The following TRIOBP variants were observed in gnomAD, a reference collection of about 807,000 sequenced individuals.
The protein encoded by TRIOBP is TRIO and F-actin-binding protein.
Under a neutral mutation model 238.8 loss-of-function variants are expected in TRIOBP, and 169 were observed. The observed-to-expected ratio is 0.71, with a 90% CI of 0.62 to 0.80. The LOEUF (loss-of-function observed/expected upper bound fraction) is 0.80. Ranked by LOEUF, TRIOBP falls within the 30% of genes least tolerant of loss-of-function variation. The pLI is 0.00. For synonymous variants in TRIOBP, 1,150 were observed against 1,274.4 expected, an observed-to-expected ratio of 0.90 and a Z score of 2.08; for missense variants, 2,838 against 3,122.6, an observed-to-expected ratio of 0.91 and a Z score of 2.17.
At chr22:37,706,816 C>CAG (rs1313046364) in intron 3 of TRIOBP, among the ~76,000 whole-genome samples, 1 of 151,822 alleles carries the variant, frequency 6.6e-6, no homozygotes, top group Non-Finnish European at 1.5e-5. Context: ...TCAAATCCTC[C>CAG]ACTTTCTTGA....
chr22:37,755,226 C>T (rs771831574), intron 14 of TRIOBP, 36 bp downstream of exon 14: 2 of 1,592,978 alleles, frequency 1.3e-6, no homozygotes, highest in Non-Finnish European at 1.7e-6. Context: ...TGGTGGTGGG[C>T]AGCATGGCTG....
At chr22:37,772,024 G>A in intron 22 of TRIOBP, 1 of 469,048 alleles carries the variant, frequency 2.1e-6, no homozygotes, top group Admixed American at 3.0e-5. Flanking sequence ...TGTGCTAGGT[G>A]CTGGGAAGAC....
At chr22:37,703,868 G>A (rs1444856297) in intron 3 of TRIOBP, among the ~76,000 whole-genome samples, 3 of 152,118 alleles carry the variant, frequency 2.0e-5, no homozygotes, top group Non-Finnish European at 4.4e-5. Flanking sequence ...CAGGTTCAGG[G>A]AACAGATGCC....
At chr22:37,745,570 T>C (rs1165880849) in intron 11 of TRIOBP, among the ~76,000 whole-genome samples, 3 of 152,146 alleles carry the variant, frequency 2.0e-5, no homozygotes, top group East Asian at 1.9e-4. Flanking sequence ...AAAAGACCCA[T>C]TTGTGAGGAG....
At chr22:37,773,434 G>A (rs908311338) in intron 23 of TRIOBP, among the ~76,000 whole-genome samples, 27 of 152,188 alleles carry the variant, frequency 1.8e-4, no homozygotes, top group African/African-American at 6.3e-4. Context: ...TTCCCAGGCT[G>A]GTCTCGAACT....
At chr22:37,718,046 G>C (rs953383599) in intron 6 of TRIOBP, among the ~76,000 whole-genome samples, 61 of 152,330 alleles carry the variant, frequency 4.0e-4, no homozygotes, top group Non-Finnish European at 7.4e-4. Context: ...GGGCACTGCT[G>C]GGGGACCCAG....
chr22:37,708,377 CCT>C (rs1384517911), intron 3 of TRIOBP, among the ~76,000 whole-genome samples: 4 of 152,096 alleles, frequency 2.6e-5, no homozygotes, highest in East Asian at 1.9e-4. Flanking sequence ...ATGGCAAACC[CCT>C]GTCTCTACTA....
At chr22:37,751,693 G>A in intron 11 of TRIOBP, 79 bp from the exon 12 acceptor site, 1 of 1,514,070 alleles carries the variant, frequency 6.6e-7, no homozygotes, top group Non-Finnish European at 9.2e-7. Context: ...GGGACAGGGT[G>A]GGTGCAGCAC....
In TRIOBP at chr22:37,746,474, C is replaced by G. The variant is rs1019178510; in HGVS notation, c.5323-5298C>G. The G allele has an allele frequency of 3.0e-6, 4 of 1,353,352 alleles. No individual in the cohort carries two copies. The African/African-American group carries it at 6.1e-5, about 21-fold the overall frequency. The allele number at this position is 1,353,352 out of a possible 1,614,324, so 83.8% of individuals were successfully genotyped here. A position where few individuals can be genotyped will look rare whatever the true frequency, so the allele number is the denominator to read the frequency against. ...CGAGGCCGGGAGAAGGGCGACGACC[C>G]GAGGCAGAGCCCAGCCTCTCCCCTC... On this transcript the variant is annotated intron_variant, in intron 11 of 23. Transcript: ENST00000644935.
rs1924086620 is a variant in TRIOBP at position 37,725,457 on chromosome 22, C to T, written c.2901C>T (p.Pro967=). 2 of 1,612,798 alleles carry T rather than the reference C, an allele frequency of 1.2e-6. No homozygotes were observed. The highest frequency in any genetic ancestry group is 1.3e-5 in the African/African-American group (1 of 75,014). ...QHDPPQSSFG[P]TQYNLPSRAT... is the part of the protein sequence containing the mutation. ...ACCCACCCCAGTCCTCCTTTGGCCC[C>T]ACCCAGTACAACTTGCCATCCCGGG... is the stretch of plus-strand genomic sequence containing the variant. The change falls in exon 7 of 24, where the codon CCC becomes CCT. Residue 967 remains proline, a synonymous_variant. Coordinates refer to ENST00000644935, the MANE Select transcript of TRIOBP (RefSeq NM_001039141.3).
intron 17 of TRIOBP, among the ~76,000 whole-genome samples, chr22:37,762,416 G>A (rs187673437): frequency 4.7e-4 from 71 of 152,294 alleles, no homozygotes; most frequent in African/African-American, 1.6e-3. Context: ...TTTAGATAAA[G>A]GCTCTGCCAC....
chr22:37,699,250 A>T (rs1922517604), intron 2 of TRIOBP, among the ~76,000 whole-genome samples: 1 of 152,142 alleles, frequency 6.6e-6, no homozygotes, highest in Admixed American at 6.5e-5. Context: ...CACGTTTGTC[A>T]AAGACGTCGT....
At position 37,768,034 on chromosome 22, in the gene TRIOBP, C is replaced by A. The variant is rs779165991; in HGVS notation, c.6473-40C>A. 4 of 1,550,494 alleles carry A rather than the reference C, an allele frequency of 2.6e-6. No individual in the cohort carries two copies. The African/African-American group carries it at 4.1e-5, about 16-fold the overall frequency. On this transcript the variant is annotated intron_variant, in intron 18 of 23. Coordinates refer to ENST00000644935, the MANE Select transcript of TRIOBP (RefSeq NM_001039141.3). ...CTGGTGGCACTTGGTGCTGCTGACC[C>A]CCCTCCAGTCTCTCTTGTGCCTCTC...
At chr22:37,750,801 G>A (rs2145861120) in intron 11 of TRIOBP, 1 of 459,362 alleles carries the variant, frequency 2.2e-6, no homozygotes. Flanking sequence ...TGGCCAGGCA[G>A]GGTGGCTGTG....
intron 6 of TRIOBP, among the ~76,000 whole-genome samples, chr22:37,722,695 C>T (rs146394635): frequency 5.1e-4 from 77 of 152,340 alleles, no homozygotes; most frequent in African/African-American, 1.8e-3. Context: ...CCACTGCACT[C>T]CAGCCTGGGC....
intron 12 of TRIOBP, among the ~76,000 whole-genome samples, chr22:37,754,456 C>G (rs924318229): frequency 2.7e-5 from 4 of 150,296 alleles, no homozygotes; most frequent in Non-Finnish European, 5.9e-5. Context: ...TTGTGGCTGG[C>G]ACTCACTCCT....
intron 22 of TRIOBP, 71 bp downstream of exon 22, chr22:37,771,807 T>C: frequency 7.2e-7 from 1 of 1,390,636 alleles, no homozygotes; most frequent in Non-Finnish European, 1.0e-6. Flanking sequence ...TGTGAGCACC[T>C]GCTCTGTGCC....
chr22:37,712,434 C>T (rs948771349), intron 4 of TRIOBP, among the ~76,000 whole-genome samples: 9 of 152,056 alleles, frequency 5.9e-5, no homozygotes, highest in Non-Finnish European at 1.3e-4. Context: ...TGGCTTCAAG[C>T]GATTATCTTG....
At chr22:37,719,962 C>CCATACTGCACTCACTGTTTCACTCAT (rs1569038534) in intron 6 of TRIOBP, among the ~76,000 whole-genome samples, 1 of 54,810 alleles carries the variant, frequency 1.8e-5, no homozygotes, top group African/African-American at 5.0e-5. Context: ...ACCTCAGGCC[C>CCATACTGCACTCACTGTTTCACTCAT]CACACTGCAC....
Sources: allele counts gnomAD v4.1 joint callset (sites outside exome capture counted in the v4.1 genomes callset), GRCh38; gene constraint gnomAD v4.1.1; transcripts MANE v1.5; gene names NCBI Gene and HGNC (gene_info 2026-07-23, HGNC 2026-07-21).